Variants in IL1RAPL2 observed in about 807,000 individuals in gnomAD.
The protein encoded by IL1RAPL2 is interleukin 1 receptor accessory protein like 2.
A neutral mutation model predicts 44.1 loss-of-function variants in IL1RAPL2; 3 were observed. The observed-to-expected ratio is 0.07, with a 90% CI of 0.03 to 0.18. The LOEUF (loss-of-function observed/expected upper bound fraction) is 0.18, where lower values mean the gene tolerates loss of function less well. Among genes scored for constraint, IL1RAPL2 ranks in the 10% least tolerant of loss-of-function variants. IL1RAPL2 has a pLI of 1.00. For missense variants in IL1RAPL2, 391 were observed against 496.4 expected (o/e 0.79, Z 2.02); for synonymous variants, 181 against 178.8 (o/e 1.01, Z -0.10).
intron 2 of IL1RAPL2, among the ~76,000 whole-genome samples, chrX:105,009,415 A>G (rs1210163618): frequency 9.1e-6 from 1 of 109,464 alleles, no homozygotes; most frequent in Admixed American, 9.7e-5. Flanking sequence ...AATACTATGC[A>G]GCCATAAAAA....
intron 5 of IL1RAPL2, among the ~76,000 whole-genome samples, chrX:105,470,785 T>C (rs1405970659): frequency 8.9e-6 from 1 of 111,960 alleles, no homozygotes; most frequent in East Asian, 2.8e-4. Context: ...TAGATCTGTA[T>C]CTATTTGTAC....
At chrX:105,565,181 T>G (rs939502671) in intron 6 of IL1RAPL2, among the ~76,000 whole-genome samples, 5 of 112,019 alleles carry the variant, frequency 4.5e-5, no homozygotes, top group African/African-American at 1.6e-4. Flanking sequence ...GGAAAATTGG[T>G]GTTTTAAAAG....
chrX:104,892,713 A>G (rs1192384469), intron 2 of IL1RAPL2, among the ~76,000 whole-genome samples: 1 of 110,856 alleles, frequency 9.0e-6, no homozygotes, highest in Non-Finnish European at 1.9e-5. Context: ...CTAGCGGTCT[A>G]TCAGTTTTGT....
chrX:104,693,863 T>C (rs1405815230), intron 2 of IL1RAPL2, among the ~76,000 whole-genome samples: 1 of 111,913 alleles, frequency 8.9e-6, no homozygotes, highest in African/African-American at 3.2e-5. Context: ...CCTCCATATG[T>C]CCCAATTAAG....
chrX:105,555,278 G>A (rs1195848687), intron 6 of IL1RAPL2, among the ~76,000 whole-genome samples: 4 of 110,023 alleles, frequency 3.6e-5, no homozygotes, highest in Non-Finnish European at 5.7e-5. Flanking sequence ...AGTCAGCAAG[G>A]CGAACATGCT....
At chrX:104,698,286 T>A (rs1602686211) in intron 2 of IL1RAPL2, among the ~76,000 whole-genome samples, 1 of 112,173 alleles carries the variant, frequency 8.9e-6, no homozygotes, top group East Asian at 2.8e-4. Context: ...TAGAAACAAG[T>A]CACTAGGTCC....
intron 2 of IL1RAPL2, among the ~76,000 whole-genome samples, chrX:104,836,781 C>T (rs1164608793): frequency 1.8e-5 from 2 of 110,752 alleles, no homozygotes; most frequent in Admixed American, 9.6e-5. Context: ...TGCAGGTTTG[C>T]TACATAGGTA....
intron 2 of IL1RAPL2, among the ~76,000 whole-genome samples, chrX:104,741,867 G>T (rs756818641): frequency 4.1e-4 from 46 of 111,432 alleles, no homozygotes; most frequent in Non-Finnish European, 7.6e-4. Flanking sequence ...AAATAATATT[G>T]CAGTAAATAG....
chrX:104,851,183 G>A (rs758226654), intron 2 of IL1RAPL2, among the ~76,000 whole-genome samples: 34 of 110,927 alleles, frequency 3.1e-4, no homozygotes, highest in Non-Finnish European at 4.9e-4. Context: ...AAGATGTTTA[G>A]AAACAAATAA....
In IL1RAPL2 at chrX:105,048,774, G is replaced by A. The variant is rs774519471; in HGVS notation, c.83-146701G>A. Among the ~76,000 whole-genome samples, 15 of 111,289 alleles carry A rather than the reference G, an allele frequency of 1.3e-4. No homozygotes were observed. The South Asian group carries it at 1.5e-3, about 11-fold the overall frequency. On this transcript the variant is annotated intron_variant, in intron 2 of 10. Transcript: ENST00000372582. Reference sequence around the variant, plus strand: ...CACTATATCTGAACTGTCCAACACCGTCAACACTAGCAACATGTAGAAATT... The same window carrying A: ...CACTATATCTGAACTGTCCAACACCATCAACACTAGCAACATGTAGAAATT...
intron 6 of IL1RAPL2, among the ~76,000 whole-genome samples, chrX:105,667,771 T>C (rs1056401547): frequency 1.3e-4 from 14 of 111,256 alleles, no homozygotes; most frequent in African/African-American, 3.9e-4. Context: ...ATAACATGGA[T>C]AGAAGGGGAA....
intron 6 of IL1RAPL2, among the ~76,000 whole-genome samples, chrX:105,515,634 G>T (rs1446052613): frequency 1.8e-5 from 2 of 111,803 alleles, no homozygotes; most frequent in African/African-American, 3.3e-5. Context: ...AATTTTCAGT[G>T]AGTCTCAAGG....
intron 2 of IL1RAPL2, among the ~76,000 whole-genome samples, chrX:104,908,335 A>T (rs1924104835): frequency 9.0e-6 from 1 of 111,208 alleles, no homozygotes; most frequent in South Asian, 3.8e-4. Flanking sequence ...TGTGAATTTG[A>T]TCCTGTCATT....
intron 7 of IL1RAPL2, among the ~76,000 whole-genome samples, chrX:105,729,092 T>A (rs1041938119): frequency 3.6e-5 from 4 of 111,471 alleles, no homozygotes; most frequent in African/African-American, 1.3e-4. Context: ...TAATATTTTA[T>A]TGTCTGGATG....
At position 104,976,099 on chromosome X, in the gene IL1RAPL2, A is replaced by G. The variant is rs2030329938; in HGVS notation, c.83-219376A>G. The stretch of plus-strand genomic sequence containing the variant: ...GTAAAATGTCGTTATAATGTATAGG[A>G]CCATGCTTAGGTAAAATCTGTTTGC... On this transcript the variant is annotated intron_variant, in intron 2 of 10. Transcript: ENST00000372582. 2.7e-5 allele frequency among the ~76,000 whole-genome samples: 3 copies of G among 111,237 alleles called. No homozygotes were observed. The South Asian group carries it at 1.1e-3, about 42-fold the overall frequency.
chrX:105,670,224 CT>C (rs34713102), intron 6 of IL1RAPL2, among the ~76,000 whole-genome samples: 35,354 of 78,131 alleles, frequency 0.45, 8,436 homozygotes, highest in African/African-American at 0.76. Context: ...ATTTTTCCTA[CT>C]TTTTTTTTTT....
intron 6 of IL1RAPL2, among the ~76,000 whole-genome samples, chrX:105,696,655 A>C (rs1346699487): frequency 9.0e-6 from 1 of 111,505 alleles, no homozygotes; most frequent in African/African-American, 3.3e-5. Context: ...AGAATTTTGT[A>C]AACATGGCAG....
chrX:104,832,079 T>G (rs1921625272), intron 2 of IL1RAPL2, among the ~76,000 whole-genome samples: 1 of 111,201 alleles, frequency 9.0e-6, no homozygotes, highest in African/African-American at 3.3e-5. Context: ...TTACTTGAAA[T>G]TTCTATATCA....
At chrX:104,813,870 T>A (rs765538414) in intron 2 of IL1RAPL2, among the ~76,000 whole-genome samples, 3 of 111,712 alleles carry the variant, frequency 2.7e-5, no homozygotes, top group Non-Finnish European at 3.8e-5. Context: ...GGGGAGTTAT[T>A]AGGCTTAGTT....
Sources: allele counts gnomAD v4.1 joint callset (sites outside exome capture counted in the v4.1 genomes callset), GRCh38; gene constraint gnomAD v4.1.1; transcripts MANE v1.5; gene names NCBI Gene and HGNC (gene_info 2026-07-23, HGNC 2026-07-21).